The following EVL variants were observed in gnomAD, a reference collection of about 807,000 sequenced individuals.
EVL encodes the protein ena/VASP-like protein.
A neutral mutation model predicts 59.6 loss-of-function variants in EVL; 21 were observed. The ratio of observed to expected loss-of-function variants is 0.35; its 90% CI spans 0.25 to 0.51. The LOEUF (loss-of-function observed/expected upper bound fraction) is 0.51, where lower values mean the gene tolerates loss of function less well. Among genes scored for constraint, EVL ranks in the 20% least tolerant of loss-of-function variants. The pLI, the probability that EVL is intolerant of heterozygous loss-of-function variation, is 0.97. For missense variants in EVL, 462 were observed against 546.6 expected (o/e 0.85, Z 1.54); for synonymous variants, 198 against 203.5 (o/e 0.97, Z 0.23).
chr14:100,100,023 A>T (rs1024502721), intron 3 of EVL, among the ~76,000 whole-genome samples: 1 of 145,536 alleles, frequency 6.9e-6, no homozygotes, highest in Non-Finnish European at 1.5e-5. Flanking sequence ...AAAAAAAAAC[A>T]CTTTCAGAGC....
intron 1 of EVL, among the ~76,000 whole-genome samples, chr14:100,073,135 A>G (rs1306548909): frequency 4.0e-5 from 6 of 151,678 alleles, no homozygotes; most frequent in African/African-American, 1.5e-4. Flanking sequence ...CCCCAGGGTG[A>G]TGACTGAGGT....
chr14:100,078,249 C>T (rs757294733), intron 1 of EVL, among the ~76,000 whole-genome samples: 1 of 152,184 alleles, frequency 6.6e-6, no homozygotes, highest in Non-Finnish European at 1.5e-5. Flanking sequence ...GTTTCTCAGA[C>T]TCTTCAAGCC....
At chr14:99,988,369 C>T (rs1411381642) in intron 1 of EVL, among the ~76,000 whole-genome samples, 1 of 152,132 alleles carries the variant, frequency 6.6e-6, no homozygotes, top group Non-Finnish European at 1.5e-5. Context: ...ATTTCATACT[C>T]ACTAGGATGG....
chr14:100,143,911 T>G lies in EVL; in HGVS notation c.*173T>G. On this transcript the variant is annotated 3_prime_UTR_variant, in exon 14 of 14. Coordinates refer to ENST00000392920, the MANE Select transcript of EVL (RefSeq NM_016337.3). ...TGACAGTGAGGAAACCAAGTGCAAC[T>G]CCTGGGTTTTTTTAGATTCTGCCTG... 1.4e-6 allele frequency: 1 copy of G among 693,284 alleles called. No homozygotes were observed. The highest frequency in any genetic ancestry group is 2.3e-6 in the Non-Finnish European group (1 of 425,768). The allele number at this position is 693,284 out of a possible 1,614,324, so 42.9% of individuals were successfully genotyped here.
At chr14:100,134,750 C>A (rs982396416) in intron 8 of EVL, 1 of 152,210 alleles carries the variant, frequency 6.6e-6, no homozygotes, top group Admixed American at 6.5e-5. Flanking sequence ...TTGGGCAGGC[C>A]CTCTGCCATG....
chr14:100,044,212 G>T (rs1452396169), intron 1 of EVL, among the ~76,000 whole-genome samples: 3 of 152,186 alleles, frequency 2.0e-5, no homozygotes, highest in Admixed American at 2.0e-4. Context: ...GCAAAAGGGG[G>T]TTGGGGGATT....
At chr14:100,064,222 A>G (rs542842785), upstream of EVL, among the ~76,000 whole-genome samples, 20 of 60,376 alleles carry the variant, frequency 3.3e-4, no homozygotes, top group East Asian at 3.4e-3. Context: ...CACTATATCA[A>G]TAATATTTTA....
intron 1 of EVL, among the ~76,000 whole-genome samples, chr14:100,030,398 G>A (rs1004995907): frequency 6.6e-6 from 1 of 152,006 alleles, no homozygotes; most frequent in African/African-American, 2.4e-5. Context: ...CACCGCGCCC[G>A]GCCGAGATTA....
At chr14:100,060,733 G>T (rs2061813058), upstream of EVL, among the ~76,000 whole-genome samples, 1 of 152,054 alleles carries the variant, frequency 6.6e-6, no homozygotes, top group Non-Finnish European at 1.5e-5. Flanking sequence ...CAAATTTGGT[G>T]AAAAGCCTTA....
chr14:100,021,631 C>T (rs2061126274), intron 1 of EVL, among the ~76,000 whole-genome samples: 1 of 152,144 alleles, frequency 6.6e-6, no homozygotes, highest in Non-Finnish European at 1.5e-5. Flanking sequence ...CATTAAAACT[C>T]AGATTGCTGG....
chr14:99,988,730 A>C (rs2060856883), intron 1 of EVL, among the ~76,000 whole-genome samples: 1 of 152,270 alleles, frequency 6.6e-6, no homozygotes, highest in Non-Finnish European at 1.5e-5. Flanking sequence ...ATATCCATAC[A>C]GTGCAATAAA....
chr14:100,033,225 T>A (rs2061340256), intron 1 of EVL, among the ~76,000 whole-genome samples: 1 of 152,238 alleles, frequency 6.6e-6, no homozygotes, highest in African/African-American at 2.4e-5. Flanking sequence ...AGTCCTTACA[T>A]ATATAAATTA....
At chr14:100,111,087 A>T (rs574571219) in intron 3 of EVL, among the ~76,000 whole-genome samples, 8 of 151,438 alleles carry the variant, frequency 5.3e-5, no homozygotes, top group African/African-American at 1.9e-4. Context: ...CCACCCTGTC[A>T]CATGGAGCAG....
intron 1 of EVL, among the ~76,000 whole-genome samples, chr14:100,010,181 C>T (rs1252661235): frequency 1.3e-5 from 2 of 152,124 alleles, no homozygotes; most frequent in Non-Finnish European, 2.9e-5. Context: ...CAAGGTATGG[C>T]AAGGAAATAT....
chr14:100,103,131 G>A (rs565023252), intron 3 of EVL, among the ~76,000 whole-genome samples: 1 of 148,166 alleles, frequency 6.7e-6, no homozygotes, highest in Non-Finnish European at 1.5e-5. Flanking sequence ...ACAAATCAGA[G>A]GCAAGATTCT....
intron 1 of EVL, among the ~76,000 whole-genome samples, chr14:100,014,410 T>C (rs769606480): frequency 4.6e-5 from 7 of 152,254 alleles, no homozygotes; most frequent in African/African-American, 1.7e-4. Flanking sequence ...TTGGCTTATT[T>C]CACTTAACAT....
intron 1 of EVL, among the ~76,000 whole-genome samples, chr14:100,072,435 A>T (rs552470428): frequency 6.6e-6 from 1 of 152,198 alleles, no homozygotes; most frequent in African/African-American, 2.4e-5. Context: ...GGGTTTCACT[A>T]TGTTGGCCAG....
chr14:100,039,346 C>T (rs569871573), intron 1 of EVL, among the ~76,000 whole-genome samples: 1 of 152,216 alleles, frequency 6.6e-6, no homozygotes, highest in Non-Finnish European at 1.5e-5. Context: ...AAGTGATTCT[C>T]CTGCCTCAGC....
At chr14:99,979,742 G>A (rs527264915) in intron 1 of EVL, among the ~76,000 whole-genome samples, 14 of 152,254 alleles carry the variant, frequency 9.2e-5, no homozygotes, top group South Asian at 4.1e-4. Flanking sequence ...GGTGGCAGGC[G>A]CCTGTAGTCC....
Sources: allele counts gnomAD v4.1 joint callset (sites outside exome capture counted in the v4.1 genomes callset), GRCh38; gene constraint gnomAD v4.1.1; transcripts MANE v1.5; gene names NCBI Gene and HGNC (gene_info 2026-07-23, HGNC 2026-07-21).